The following SNTG1 variants were observed in gnomAD, a reference collection of about 807,000 sequenced individuals.
SNTG1 encodes syntrophin gamma 1.
SNTG1 carries 39 observed loss-of-function variants against 74.7 expected under a neutral mutation model. That is an observed-to-expected ratio of 0.52 (90% confidence interval 0.40 to 0.68). The LOEUF (loss-of-function observed/expected upper bound fraction) is 0.68, where lower values mean the gene tolerates loss of function less well. Among genes scored for constraint, SNTG1 ranks in the 30% least tolerant of loss-of-function variants. The probability of loss-of-function intolerance (pLI) is 0.00; values close to 1 mark genes in which losing one functional copy is unlikely to be tolerated. For missense variants in SNTG1, 685 were observed against 609.5 expected (o/e 1.12, Z -1.30); for synonymous variants, 254 against 217.1 (o/e 1.17, Z -1.49).
intron 1 of SNTG1, among the ~76,000 whole-genome samples, chr8:50,115,259 G>A (rs72639891): frequency 6.6e-6 from 1 of 152,052 alleles, no homozygotes; most frequent in Non-Finnish European, 1.5e-5. Context: ...TGGTTTTACA[G>A]TGTGAGTGAG....
At chr8:50,037,852 A>G (rs184914316) in intron 1 of SNTG1, among the ~76,000 whole-genome samples, 1 of 152,346 alleles carries the variant, frequency 6.6e-6, no homozygotes, top group African/African-American at 2.4e-5. Context: ...ATCTCCCTTT[A>G]GAAACTGATG....
chr8:50,062,113 G>A (rs1226974767), intron 1 of SNTG1, among the ~76,000 whole-genome samples: 6 of 151,972 alleles, frequency 3.9e-5, no homozygotes, highest in African/African-American at 7.2e-5. Context: ...GTGCTATCTC[G>A]CCTCATTGCA....
At chr8:50,612,112 A>T (rs753587331) in intron 13 of SNTG1, among the ~76,000 whole-genome samples, 4 of 152,236 alleles carry the variant, frequency 2.6e-5, no homozygotes, top group Non-Finnish European at 5.9e-5. Flanking sequence ...ATGTGAGAGC[A>T]TAATGTTCAT....
At chr8:50,397,622 T>C (rs913571087) in intron 3 of SNTG1, among the ~76,000 whole-genome samples, 3 of 152,204 alleles carry the variant, frequency 2.0e-5, no homozygotes, top group Non-Finnish European at 2.9e-5. Flanking sequence ...ACAAGAAGAA[T>C]AGCTGCTTCA....
chr8:50,079,986 C>A, intron 1 of SNTG1, among the ~76,000 whole-genome samples: 1 of 152,236 alleles, frequency 6.6e-6, no homozygotes, highest in East Asian at 1.9e-4. Context: ...TAGTGTGATA[C>A]CTCCAACTTT....
chr8:49,946,185 G>A (rs1282485299), intron 1 of SNTG1, among the ~76,000 whole-genome samples: 2 of 152,050 alleles, frequency 1.3e-5, no homozygotes, highest in East Asian at 1.9e-4. Flanking sequence ...CAGCTGTACC[G>A]TTTTTGAGTT....
At chr8:50,281,626 G>A (rs565504434) in intron 2 of SNTG1, among the ~76,000 whole-genome samples, 13 of 152,210 alleles carry the variant, frequency 8.5e-5, no homozygotes, top group Middle Eastern at 3.4e-3. Flanking sequence ...GAAGAATTCC[G>A]AATCCAGTTT....
chr8:50,012,850 G>A (rs1815941232), intron 1 of SNTG1, among the ~76,000 whole-genome samples: 1 of 152,116 alleles, frequency 6.6e-6, no homozygotes. Context: ...AGCTGCAGCT[G>A]TCCCTACTTG....
At chr8:50,137,801 A>C (rs992799435) in intron 1 of SNTG1, among the ~76,000 whole-genome samples, 4 of 152,130 alleles carry the variant, frequency 2.6e-5, no homozygotes, top group African/African-American at 9.7e-5. Context: ...CTGGACACTG[A>C]GGATGGACGA....
chr8:50,417,285 C>T (rs144171409), intron 4 of SNTG1, among the ~76,000 whole-genome samples: 72 of 152,162 alleles, frequency 4.7e-4, no homozygotes, highest in African/African-American at 1.5e-3. Context: ...TTATGAAGCA[C>T]GTGCCACATT....
chr8:50,110,973 T>C lies in SNTG1; in HGVS notation c.-102-61588T>C, dbSNP rs76320053. ...ACAATTATTTGTTATTTCTATGAAA[T>C]TCAAACTTAACCAGGTATCATTTAT... On this transcript the variant is annotated intron_variant, in intron 1 of 18. Coordinates refer to ENST00000642720, the MANE Select transcript of SNTG1 (RefSeq NM_018967.5). 5.7e-3 allele frequency among the ~76,000 whole-genome samples: 863 copies of C among 152,290 alleles called. 10 individuals carry two copies. Among genetic ancestry groups the C allele is most frequent in the African/African-American group, 0.019 (805 of 41,556 alleles).
chr8:50,407,623 A>G (rs2092896126), intron 4 of SNTG1, among the ~76,000 whole-genome samples: 1 of 152,246 alleles, frequency 6.6e-6, no homozygotes, highest in Middle Eastern at 3.2e-3. Context: ...CTCAGGCTGA[A>G]AGAAAGTGTT....
intron 15 of SNTG1, among the ~76,000 whole-genome samples, chr8:50,704,387 A>G (rs1449177819): frequency 6.6e-6 from 1 of 152,150 alleles, no homozygotes; most frequent in Non-Finnish European, 1.5e-5. Context: ...CCTAACTTCT[A>G]TTTTATGGAC....
At chr8:50,526,603 A>ATGTG (rs143910529) in intron 9 of SNTG1, among the ~76,000 whole-genome samples, 12 of 149,456 alleles carry the variant, frequency 8.0e-5, no homozygotes, top group South Asian at 4.2e-4. Flanking sequence ...CAGCATATAT[A>ATGTG]TGTGTGTGTG....
chr8:50,718,200 C>T (rs548496586), intron 17 of SNTG1, among the ~76,000 whole-genome samples: 14 of 151,922 alleles, frequency 9.2e-5, no homozygotes, highest in South Asian at 2.1e-4. Context: ...AGTAGGCACA[C>T]GGTGAAGGAA....
intron 1 of SNTG1, among the ~76,000 whole-genome samples, chr8:50,139,979 C>T (rs777842124): frequency 2.0e-5 from 3 of 152,156 alleles, no homozygotes; most frequent in Admixed American, 6.6e-5. Context: ...ATGTCACTAG[C>T]GAGCTTTGTG....
chr8:50,426,389 A>T (rs929291815), intron 4 of SNTG1, among the ~76,000 whole-genome samples: 4 of 152,080 alleles, frequency 2.6e-5, no homozygotes, highest in Admixed American at 6.6e-5. Context: ...AATGATCCTG[A>T]CCCTGTGTAG....
intron 13 of SNTG1, among the ~76,000 whole-genome samples, chr8:50,620,400 C>T (rs57387686): frequency 0.043 from 6,550 of 152,252 alleles, 246 homozygotes; most frequent in African/African-American, 0.094. Flanking sequence ...ATGTCAGCAG[C>T]ACAAACTCCT....
chr8:50,408,113 G>T (rs1366048511), intron 4 of SNTG1, among the ~76,000 whole-genome samples: 1 of 152,148 alleles, frequency 6.6e-6, no homozygotes, highest in Non-Finnish European at 1.5e-5. Flanking sequence ...CAATGCCTAG[G>T]TGCTGTTTAT....
Sources: allele counts gnomAD v4.1 joint callset (sites outside exome capture counted in the v4.1 genomes callset), GRCh38; gene constraint gnomAD v4.1.1; transcripts MANE v1.5; gene names NCBI Gene and HGNC (gene_info 2026-07-23, HGNC 2026-07-21).